SLC16A12: variants seen among roughly 807,000 people sequenced by gnomAD.
SLC16A12 encodes the protein solute carrier family 16 member 12.
A neutral mutation model predicts 42.4 loss-of-function variants in SLC16A12; 17 were observed. The ratio of observed to expected loss-of-function variants is 0.40; its 90% CI spans 0.27 to 0.60. The LOEUF (loss-of-function observed/expected upper bound fraction) is 0.60. SLC16A12 is among the 20% of genes least tolerant of loss of function. The pLI is 0.42. For missense variants in SLC16A12, 544 were observed against 623.0 expected, an observed-to-expected ratio of 0.87 and a Z score of 1.35; for synonymous variants, 224 against 229.4, an observed-to-expected ratio of 0.98 and a Z score of 0.21.
rs776294937 is a variant in SLC16A12, at chr10:89,436,242, A to T, written c.1106T>A (p.Met369Lys). 2 of 1,614,152 alleles carry T rather than the reference A, an allele frequency of 1.2e-6. No homozygotes were observed. Among genetic ancestry groups the T allele is most frequent in the East Asian group, 2.2e-5 (1 of 44,884 alleles). The change falls in exon 7 of 8, where the codon ATG becomes AAG. Residue 369 changes from methionine (M) to lysine (K), a missense_variant. Transcript: ENST00000371790. ...CACGAGCAGAGGGAGACTTTGAAGC[A>T]TTGGGAGGCAGAGATAGCAGAGCCC... ...MDGLCYLCLPMLQSLPLLVPF... is the reference protein window; with the variant it reads ...MDGLCYLCLPKLQSLPLLVPF...
chr10:89,550,534 C>A (rs1843764591), intron 2 of SLC16A12, among the ~76,000 whole-genome samples: 1 of 152,154 alleles, frequency 6.6e-6, no homozygotes, highest in South Asian at 2.1e-4. Flanking sequence ...AAACAAACAA[C>A]AACAACAACA....
chr10:89,494,243 T>C (rs1445694822), intron 2 of SLC16A12, among the ~76,000 whole-genome samples: 2 of 152,212 alleles, frequency 1.3e-5, no homozygotes, highest in Admixed American at 6.5e-5. Flanking sequence ...CTTTATTTCA[T>C]ACACACTGTT....
intron 2 of SLC16A12, among the ~76,000 whole-genome samples, chr10:89,477,141 A>C (rs1350314211): frequency 6.6e-6 from 1 of 152,242 alleles, no homozygotes; most frequent in Non-Finnish European, 1.5e-5. Flanking sequence ...CCTGATAGAA[A>C]TAGATATTGT....
At chr10:89,469,085 C>A (rs1030965512) in intron 2 of SLC16A12, among the ~76,000 whole-genome samples, 2 of 152,148 alleles carry the variant, frequency 1.3e-5, no homozygotes, top group Non-Finnish European at 2.9e-5. Context: ...GCTGAGATCA[C>A]GCCACTGCAC....
chr10:89,548,584 G>A (rs1178625065), intron 2 of SLC16A12, among the ~76,000 whole-genome samples: 2 of 152,142 alleles, frequency 1.3e-5, no homozygotes, highest in Non-Finnish European at 2.9e-5. Context: ...GGGAGGCTGA[G>A]GCGGGTGGAT....
At chr10:89,450,229 A>C (rs1320182795) in intron 3 of SLC16A12, among the ~76,000 whole-genome samples, 1 of 152,256 alleles carries the variant, frequency 6.6e-6, no homozygotes, top group African/African-American at 2.4e-5. Context: ...AGAATTAGAA[A>C]TACCATTTGA....
intron 7 of SLC16A12, among the ~76,000 whole-genome samples, chr10:89,435,804 A>G (rs980052589): frequency 3.9e-5 from 6 of 152,140 alleles, no homozygotes; most frequent in African/African-American, 1.4e-4. Flanking sequence ...CATCATTAAT[A>G]TGGAAAGGAA....
chr10:89,481,880 G>C (rs1180287368), intron 2 of SLC16A12, among the ~76,000 whole-genome samples: 2 of 152,014 alleles, frequency 1.3e-5, no homozygotes, highest in African/African-American at 4.8e-5. Context: ...TGGCATTTCA[G>C]GCTCGCATGA....
chr10:89,440,576 T>C (rs997674036), intron 5 of SLC16A12, among the ~76,000 whole-genome samples: 3 of 152,250 alleles, frequency 2.0e-5, no homozygotes, highest in African/African-American at 4.8e-5. Flanking sequence ...TTATTGAATG[T>C]ACATGTTGCT....
In SLC16A12 at chr10:89,436,842, A is replaced by G. The variant is rs1278217837; in HGVS notation, c.1029-523T>C. On this transcript the variant is annotated intron_variant, in intron 6 of 7. Transcript: ENST00000371790. ...AGGAAGGAAGGAAGGAAATAAGGAG[A>G]AAGAAAGAAAAGAAAGAAATAAAGA... Among the ~76,000 whole-genome samples the G allele has an allele frequency of 8.4e-4, 94 of 111,576 alleles. 1 individual carries two copies. The highest frequency in any genetic ancestry group is 3.1e-3 in the African/African-American group (82 of 26,546). 73.2% of individuals were successfully genotyped at this position (111,576 alleles called of 152,430 possible).
At chr10:89,539,129 T>C (rs979737468), upstream of SLC16A12, among the ~76,000 whole-genome samples, 1 of 152,228 alleles carries the variant, frequency 6.6e-6, no homozygotes, top group African/African-American at 2.4e-5. Flanking sequence ...GTCTTCGTTG[T>C]AGTGGTCCCT....
chr10:89,447,814 T>G (rs552887142), intron 3 of SLC16A12, among the ~76,000 whole-genome samples: 8 of 151,948 alleles, frequency 5.3e-5, no homozygotes, highest in African/African-American at 1.5e-4. Flanking sequence ...ATCAATGAAT[T>G]CAGGAGCTGG....
At chr10:89,535,264 G>C (rs113441321) in intron 1 of SLC16A12, among the ~76,000 whole-genome samples, 178 bp downstream of exon 1, 2,019 of 152,214 alleles carry the variant, frequency 0.013, 15 homozygotes, top group Non-Finnish European at 0.024. Context: ...AAGTGAGCAC[G>C]TGTCTCCCTC....
At chr10:89,436,912 G>A (rs10554333) in intron 6 of SLC16A12, among the ~76,000 whole-genome samples, 1,790 of 80,074 alleles carry the variant, frequency 0.022, 36 homozygotes, top group African/African-American at 0.066. Flanking sequence ...AAGAAAGAAA[G>A]AAAAAGAAAG....
intron 3 of SLC16A12, among the ~76,000 whole-genome samples, chr10:89,451,285 G>A (rs1842093105): frequency 1.3e-5 from 2 of 152,188 alleles, no homozygotes; most frequent in South Asian, 4.1e-4. Flanking sequence ...GAAGAAGGGA[G>A]AGAACCAGGT....
At chr10:89,433,898 A>G (rs899301990) in intron 7 of SLC16A12, among the ~76,000 whole-genome samples, 6 of 152,208 alleles carry the variant, frequency 3.9e-5, no homozygotes, top group African/African-American at 7.2e-5. Flanking sequence ...TAATCTCAAT[A>G]TCTATCTCAG....
intron 2 of SLC16A12, among the ~76,000 whole-genome samples, chr10:89,484,685 T>C (rs1842720889): frequency 6.6e-6 from 1 of 152,212 alleles, no homozygotes; most frequent in African/African-American, 2.4e-5. Context: ...TCTTAACCAC[T>C]GCACTGCCCC....
At chr10:89,498,603 C>G (rs547814657) in intron 2 of SLC16A12, among the ~76,000 whole-genome samples, 3 of 152,026 alleles carry the variant, frequency 2.0e-5, no homozygotes, top group Non-Finnish European at 4.4e-5. Context: ...TTTGCAGCTC[C>G]GACTCGGGCA....
intron 2 of SLC16A12, among the ~76,000 whole-genome samples, chr10:89,555,514 T>C (rs11185752): frequency 1.4e-3 from 165 of 121,548 alleles, no homozygotes; most frequent in African/African-American, 3.0e-3. Flanking sequence ...CGTATATATA[T>C]GTATATATGT....
Sources: allele counts gnomAD v4.1 joint callset (sites outside exome capture counted in the v4.1 genomes callset), GRCh38; gene constraint gnomAD v4.1.1; transcripts MANE v1.5; gene names NCBI Gene and HGNC (gene_info 2026-07-23, HGNC 2026-07-21).